Variants in EYS observed in about 807,000 individuals in gnomAD.
EYS encodes the protein EGF-like photoreceptor maintenance factor.
A neutral mutation model predicts 282.1 loss-of-function variants in EYS; 250 were observed. That is an observed-to-expected ratio of 0.89 (90% CI 0.80 to 0.98). EYS has a LOEUF of 0.98. Ranked by LOEUF, EYS falls within the 50% of genes least tolerant of loss-of-function variation. The pLI is 0.00. For synonymous variants in EYS, 1,355 were observed against 1,282.9 expected (o/e 1.06, Z -1.20); for missense variants, 4,016 against 3,709.0 (o/e 1.08, Z -2.15).
At chr6:64,522,443 A>G (rs577367348) in intron 26 of EYS, among the ~76,000 whole-genome samples, 1 of 151,820 alleles carries the variant, frequency 6.6e-6, no homozygotes, top group Admixed American at 6.6e-5. Flanking sequence ...AGAAATTCTC[A>G]AAGTCCAACC....
At chr6:65,165,435 G>T (rs1265769418) in intron 12 of EYS, among the ~76,000 whole-genome samples, 2 of 150,800 alleles carry the variant, frequency 1.3e-5, no homozygotes, top group Non-Finnish European at 3.0e-5. Context: ...ATCCTTGAAA[G>T]ATATTTTTCT....
intron 9 of EYS, among the ~76,000 whole-genome samples, chr6:65,345,196 A>G (rs1435113172): frequency 1.3e-5 from 2 of 151,788 alleles, no homozygotes; most frequent in East Asian, 1.9e-4. Flanking sequence ...CTTCAATCAT[A>G]TGTATGTAAT....
At chr6:64,575,687 A>C (rs916630038) in intron 26 of EYS, among the ~76,000 whole-genome samples, 2 of 152,184 alleles carry the variant, frequency 1.3e-5, no homozygotes, top group African/African-American at 2.4e-5. Flanking sequence ...ATTAGTCAGC[A>C]GTAAGTGAAG....
chr6:64,369,736 T>C (rs659179), intron 29 of EYS, among the ~76,000 whole-genome samples: 114,189 of 151,538 alleles, frequency 0.75, 43,635 homozygotes, highest in African/African-American at 0.9. Context: ...ATAGTCTTTG[T>C]CCTAAAGCTC....
intron 2 of EYS, among the ~76,000 whole-genome samples, chr6:65,590,536 A>T (rs535882595): frequency 6.6e-6 from 1 of 152,132 alleles, no homozygotes; most frequent in South Asian, 2.1e-4. Flanking sequence ...TATTATTGTT[A>T]ACTATAGTCA....
At chr6:64,710,287 T>A (rs1390468447) in intron 22 of EYS, among the ~76,000 whole-genome samples, 1 of 152,232 alleles carries the variant, frequency 6.6e-6, no homozygotes, top group East Asian at 1.9e-4. Context: ...GCTGGTATTG[T>A]CATGTTCATA....
intron 28 of EYS, among the ~76,000 whole-genome samples, chr6:64,426,115 G>A (rs1010942534): frequency 6.6e-6 from 1 of 151,770 alleles, no homozygotes; most frequent in Non-Finnish European, 1.5e-5. Flanking sequence ...TCTTTTTGAA[G>A]CAGACATAGA....
intron 41 of EYS, among the ~76,000 whole-genome samples, chr6:63,748,434 T>C (rs1402076513): frequency 3.9e-5 from 6 of 152,198 alleles, no homozygotes; most frequent in Non-Finnish European, 8.8e-5. Flanking sequence ...TCAAGGATAT[T>C]GGCTTAAAGT....
intron 5 of EYS, among the ~76,000 whole-genome samples, chr6:65,449,011 T>G (rs1764305913): frequency 6.6e-6 from 1 of 152,102 alleles, no homozygotes; most frequent in Non-Finnish European, 1.5e-5. Context: ...GGTTCTCACC[T>G]TAAGAAACTA....
chr6:64,167,128 T>C (rs945192165), intron 31 of EYS, among the ~76,000 whole-genome samples: 5 of 152,210 alleles, frequency 3.3e-5, no homozygotes, highest in African/African-American at 1.2e-4. Flanking sequence ...TCTAAATCTT[T>C]CTGTACTTTC....
At chr6:64,212,307 A>G (rs1310907963) in intron 31 of EYS, among the ~76,000 whole-genome samples, 2 of 152,094 alleles carry the variant, frequency 1.3e-5, no homozygotes, top group East Asian at 1.9e-4. Context: ...AATAAAAGAT[A>G]GATGACAAGC....
chr6:64,392,811 A>G (rs1227881781), intron 28 of EYS, among the ~76,000 whole-genome samples: 3 of 151,620 alleles, frequency 2.0e-5, no homozygotes, highest in Non-Finnish European at 4.4e-5. Flanking sequence ...GACACAAAAA[A>G]CCCTTCAAAA....
intron 34 of EYS, among the ~76,000 whole-genome samples, chr6:63,998,628 T>C (rs908380483): frequency 2.0e-5 from 3 of 152,178 alleles, no homozygotes; most frequent in African/African-American, 7.2e-5. Context: ...TTTCTTTTAA[T>C]TTAGACTCAT....
At chr6:64,149,505 A>C (rs534821065) in intron 31 of EYS, among the ~76,000 whole-genome samples, 2 of 152,326 alleles carry the variant, frequency 1.3e-5, no homozygotes, top group South Asian at 4.1e-4. Flanking sequence ...GATAGGAAGT[A>C]TCTACAACAA....
chr6:64,524,461 C>T (rs889030400), intron 26 of EYS, among the ~76,000 whole-genome samples: 43 of 151,856 alleles, frequency 2.8e-4, no homozygotes, highest in Non-Finnish European at 4.4e-5. Context: ...TTTTGCTGTG[C>T]GTAAGCTCTT....
At chr6:65,357,170 A>G (rs1419914312) in intron 8 of EYS, among the ~76,000 whole-genome samples, 1 of 151,984 alleles carries the variant, frequency 6.6e-6, no homozygotes, top group Non-Finnish European at 1.5e-5. Context: ...GGTTCAACAG[A>G]AAAGCCTTCT....
chr6:64,645,459 C>A (rs900486569), intron 22 of EYS, among the ~76,000 whole-genome samples: 1 of 152,078 alleles, frequency 6.6e-6, no homozygotes, highest in Non-Finnish European at 1.5e-5. Flanking sequence ...TTAACAGAAA[C>A]CAAGAAACAG....
At chr6:65,661,610 C>T (rs1768003911) in intron 1 of EYS, among the ~76,000 whole-genome samples, 2 of 152,010 alleles carry the variant, frequency 1.3e-5, no homozygotes, top group South Asian at 4.1e-4. Context: ...TTGCATTATA[C>T]ACTATTTCCA....
At chr6:65,219,422 C>A (rs1766403462) in intron 12 of EYS, among the ~76,000 whole-genome samples, 2 of 151,890 alleles carry the variant, frequency 1.3e-5, no homozygotes, top group African/African-American at 4.8e-5. Context: ...AGAGTGTTTG[C>A]CAAGTCTGCT....
Sources: allele counts gnomAD v4.1 joint callset (sites outside exome capture counted in the v4.1 genomes callset), GRCh38; gene constraint gnomAD v4.1.1; transcripts MANE v1.5; gene names NCBI Gene and HGNC (gene_info 2026-07-23, HGNC 2026-07-21).